PTK2B: variants seen among roughly 807,000 people sequenced by gnomAD.
PTK2B encodes the protein protein tyrosine kinase 2 beta, also known as protein-tyrosine kinase 2-beta.
PTK2B carries 71 observed loss-of-function variants against 142.9 expected under a neutral mutation model. The observed-to-expected ratio is 0.50, with a 90% CI of 0.41 to 0.61. The LOEUF (loss-of-function observed/expected upper bound fraction) is 0.61, where lower values mean the gene tolerates loss of function less well. PTK2B is among the 20% of genes least tolerant of loss of function. PTK2B has a pLI of 0.00. For synonymous variants in PTK2B, 519 were observed against 503.4 expected (o/e 1.03, Z -0.42); for missense variants, 1,105 against 1,320.4 (o/e 0.84, Z 2.53).
At chr8:27,368,551 A>G (rs1806154462) in intron 1 of PTK2B, among the ~76,000 whole-genome samples, 1 of 152,232 alleles carries the variant, frequency 6.6e-6, no homozygotes. Flanking sequence ...AATAAACTGG[A>G]AACAAGGCTT....
At chr8:27,454,454 G>C in intron 29 of PTK2B, 77 bp from the exon 30 acceptor site, 1 of 1,569,296 alleles carries the variant, frequency 6.4e-7, no homozygotes, top group Non-Finnish European at 8.8e-7. Flanking sequence ...ACCACCCCAG[G>C]AGAGCTCTTC....
chr8:27,411,469 T>C (rs1719307745), intron 2 of PTK2B, among the ~76,000 whole-genome samples: 1 of 152,172 alleles, frequency 6.6e-6, no homozygotes, highest in South Asian at 2.1e-4. Context: ...CGAGAGCCCC[T>C]ATCTCTGTTT....
In PTK2B at chr8:27,437,789, A is replaced by G. The variant is rs761747162; in HGVS notation, c.1552A>G (p.Lys518Glu). ...GCTGGGCCACTACCTGGAGCGGAAC[A>G]AGAACTCCCTGAAGGTGCTCACCCT... ...GELGHYLERN[K>E]NSLKVLTLVL... The change falls in exon 18 of 31, where the codon AAG (lysine) becomes GAG (glutamate). Residue 518 changes from lysine to glutamate, a missense_variant. Lys to Glu is a moderately conservative substitution (Grantham distance 56). Coordinates refer to ENST00000346049, the MANE Select transcript of PTK2B (RefSeq NM_173176.3). The G allele has an allele frequency of 1.9e-6, 3 of 1,612,974 alleles. No individual in the cohort carries two copies. In the South Asian group the frequency reaches 3.3e-5, roughly 18 times the overall value.
Position 27,326,113 on chromosome 8 carries a change from A to G in PTK2B, c.-38+432A>G, listed in dbSNP as rs537594459. Among the ~76,000 whole-genome samples, 15 of 152,152 alleles carry G rather than the reference A, an allele frequency of 9.9e-5. No homozygotes were observed. In the South Asian group the frequency reaches 2.9e-3, roughly 29 times the overall value. ...CCCCAGGGGTTATAGTCTCACCCCCAGCCCACCCTGACTCTCCTGCAGCCA... is the reference window on the plus strand; with the variant it reads ...CCCCAGGGGTTATAGTCTCACCCCCGGCCCACCCTGACTCTCCTGCAGCCA... On this transcript the variant is annotated intron_variant, in intron 1 of 30. Transcript: ENST00000346049.
chr8:27,370,399 C>T (rs777951776), intron 1 of PTK2B, among the ~76,000 whole-genome samples: 3 of 152,170 alleles, frequency 2.0e-5, no homozygotes, highest in South Asian at 4.1e-4. Flanking sequence ...TTCAAGACCA[C>T]GTTATTAGCT....
At chr8:27,424,150 G>A (rs888229822) in intron 5 of PTK2B, among the ~76,000 whole-genome samples, 2 of 151,964 alleles carry the variant, frequency 1.3e-5, no homozygotes, top group African/African-American at 2.4e-5. Flanking sequence ...TTTATTTATG[G>A]ATCTCATACC....
intron 10 of PTK2B, among the ~76,000 whole-genome samples, chr8:27,432,750 C>T (rs1037137668): frequency 1.5e-5 from 2 of 132,354 alleles, no homozygotes; most frequent in African/African-American, 5.9e-5. Context: ...GTAAAACACC[C>T]AGAGAGACCT....
chr8:27,357,667 T>G (rs1586153008), intron 1 of PTK2B, among the ~76,000 whole-genome samples: 2 of 152,332 alleles, frequency 1.3e-5, no homozygotes, highest in East Asian at 3.9e-4. Context: ...AGGAGATGCC[T>G]TTTTTGAAGA....
At chr8:27,434,457 G>C (rs781065337) in intron 12 of PTK2B, 56 bp from the exon 13 acceptor site, 1 of 1,561,128 alleles carries the variant, frequency 6.4e-7, no homozygotes, top group East Asian at 2.3e-5. Flanking sequence ...AGGCTGCCCA[G>C]GGGAACATTA....
At chr8:27,328,969 ACT>A (rs1476946871) in intron 1 of PTK2B, among the ~76,000 whole-genome samples, 1 of 147,522 alleles carries the variant, frequency 6.8e-6, no homozygotes, top group Non-Finnish European at 1.5e-5. Context: ...ATGGAGTCTC[ACT>A]CTGTTGCCCA....
upstream of PTK2B, among the ~76,000 whole-genome samples, chr8:27,321,777 C>G (rs1023463913): frequency 1.3e-5 from 2 of 152,146 alleles, no homozygotes; most frequent in South Asian, 2.1e-4. Context: ...CTGTGACCAT[C>G]TGAAAGTCAG....
rs147660835 is a variant in PTK2B, at chr8:27,422,631, T to C, written c.551+248T>C. Among the ~76,000 whole-genome samples, 528 of 152,318 alleles carry C rather than the reference T, an allele frequency of 3.5e-3. 3 individuals carry two copies. Among genetic ancestry groups the C allele is most frequent in the African/African-American group, 0.012 (482 of 41,574 alleles). On this transcript the variant is annotated intron_variant, in intron 5 of 30. Transcript: ENST00000346049. Reference sequence around the variant, plus strand: ...TTCCATTGCTGCCACTGCTCTTGCCTGCAGGCTGCTGGCTTCTTCCATCTG... The same window carrying C: ...TTCCATTGCTGCCACTGCTCTTGCCCGCAGGCTGCTGGCTTCTTCCATCTG...
At chr8:27,412,904 C>T (rs1809155597) in intron 2 of PTK2B, among the ~76,000 whole-genome samples, 3 of 152,162 alleles carry the variant, frequency 2.0e-5, no homozygotes, top group African/African-American at 4.8e-5. Context: ...AGAAGGTGCA[C>T]GGCCGTGTCT....
intron 1 of PTK2B, among the ~76,000 whole-genome samples, chr8:27,367,008 G>C (rs1586171405): frequency 6.6e-6 from 1 of 152,184 alleles, no homozygotes; most frequent in East Asian, 1.9e-4. Context: ...TGAGACCAGG[G>C]TCTCTGGAGT....
Position 27,384,522 on chromosome 8 carries a change from G to A in PTK2B, c.-37-13026G>A, listed in dbSNP as rs1163669135. Among the ~76,000 whole-genome samples, 4 of 152,008 alleles carry A rather than the reference G, an allele frequency of 2.6e-5. No individual in the cohort carries two copies. In the East Asian group the frequency reaches 7.7e-4, roughly 29 times the overall value. On this transcript the variant is annotated intron_variant, in intron 1 of 30. Coordinates refer to ENST00000346049, the MANE Select transcript of PTK2B (RefSeq NM_173176.3). ...TGAATGCCTTTCATTTCTTTCTCTT[G>A]CCTAATTGCACTGATTAGGGCTTCC...
chr8:27,398,520 C>T (rs1473166865), intron 2 of PTK2B, among the ~76,000 whole-genome samples: 7 of 152,312 alleles, frequency 4.6e-5, no homozygotes, highest in Admixed American at 2.6e-4. Context: ...GGGCCAATCC[C>T]TCTACACACA....
chr8:27,451,194 TG>T, intron 26 of PTK2B, 116 bp downstream of exon 26: 1 of 1,236,308 alleles, frequency 8.1e-7, no homozygotes, highest in Non-Finnish European at 1.2e-6. Context: ...TCCTCCTCAA[TG>T]GCTTTCCATG....
At chr8:27,391,411 C>A (rs985936785) in intron 1 of PTK2B, among the ~76,000 whole-genome samples, 2 of 152,200 alleles carry the variant, frequency 1.3e-5, no homozygotes, top group African/African-American at 4.8e-5. Flanking sequence ...ACAGAACTTT[C>A]AGTCCTCAAG....
In PTK2B at chr8:27,454,606, A is replaced by G. The variant is rs1190025700; in HGVS notation, c.2809A>G (p.Thr937Ala). ...LLPSLPSSSRTEIEGTQKLLN... is the reference protein window; with the variant it reads ...LLPSLPSSSRAEIEGTQKLLN... ...GCCTTCCTTGCCGTCATCTTCACGG[A>G]CAGAGGTGAGCGTCCCATTCCAGAC... The change falls in exon 30 of 31, where the codon ACA (threonine) becomes GCA (alanine). Residue 937 changes from threonine (T) to alanine (A), a missense_variant. Transcript: ENST00000346049. 1.2e-6 allele frequency: 2 copies of G among 1,613,784 alleles called. No homozygotes were observed. The highest frequency in any genetic ancestry group is 4.5e-5 in the East Asian group (2 of 44,868).
Sources: allele counts gnomAD v4.1 joint callset (sites outside exome capture counted in the v4.1 genomes callset), GRCh38; gene constraint gnomAD v4.1.1; transcripts MANE v1.5; gene names NCBI Gene and HGNC (gene_info 2026-07-23, HGNC 2026-07-21).